Variants in LRP5 observed in about 807,000 individuals in gnomAD.
LRP5 encodes low-density lipoprotein receptor-related protein 5.
In LRP5, 62 loss-of-function variants were observed where a neutral mutation model predicts 154.1. That is an observed-to-expected ratio of 0.40 (90% CI 0.33 to 0.50). The LOEUF is 0.50. LRP5 is among the 20% of genes least tolerant of loss of function. LRP5 has a pLI of 0.55. For synonymous variants in LRP5, 966 were observed against 1,011.5 expected (o/e 0.96, Z 0.85); for missense variants, 1,915 against 2,336.7 (o/e 0.82, Z 3.72).
rs561296912 is a variant in LRP5, at chr11:68,428,554, G to A, written c.3638-1021G>A. Reference sequence around the variant, plus strand: ...CCTCAACCTCTGCCCATCTTCATGTGTCCATCTCCTTTGTGTCTGCGTCTT... The same window carrying A: ...CCTCAACCTCTGCCCATCTTCATGTATCCATCTCCTTTGTGTCTGCGTCTT... On this transcript the variant is annotated intron_variant, in intron 16 of 22. Transcript: ENST00000294304. Among the ~76,000 whole-genome samples, 29 of 151,914 alleles carry A rather than the reference G, an allele frequency of 1.9e-4. No individual in the cohort carries two copies. The East Asian group carries it at 2.2e-3, about 11-fold the overall frequency.
At chr11:68,374,952 C>G (rs942511195) in intron 5 of LRP5, among the ~76,000 whole-genome samples, 1 of 152,232 alleles carries the variant, frequency 6.6e-6, no homozygotes, top group African/African-American at 2.4e-5. Context: ...ACTGTGGTCA[C>G]TGGTTTTGTC....
rs930355318 is a variant in LRP5, at chr11:68,386,664, C to G, written c.1364C>G (p.Ser455Trp). The G allele has an allele frequency of 1.2e-6, 2 of 1,613,488 alleles. No homozygotes were observed. Among genetic ancestry groups the G allele is most frequent in the Non-Finnish European group, 8.5e-7 (1 of 1,179,942 alleles). ...LNGTSRKILV[S>W]EDLDEPRAIA... ...GGCACCTCCCGCAAGATCCTGGTGT[C>G]GGAGGACCTGGACGAGCCCCGAGCC... The change falls in exon 6 of 23, where the codon TCG becomes TGG. Residue 455 changes from serine (S) to tryptophan (W), a missense_variant. Ser to Trp is a radical substitution (Grantham distance 177, BLOSUM62 -3). This residue lies in a region of LRP5 where 773 missense variants were observed against 1,100.9 expected (regional missense o/e 0.70). Coordinates refer to ENST00000294304, the MANE Select transcript of LRP5 (RefSeq NM_002335.4). The surrounding 1 kb of genome is among the most constrained non-coding windows in gnomAD (Gnocchi z 7.9).
intron 8 of LRP5, among the ~76,000 whole-genome samples, chr11:68,405,676 T>C (rs184784361): frequency 2.6e-5 from 4 of 152,318 alleles, no homozygotes; most frequent in Non-Finnish European, 2.9e-5. Context: ...AAAAGGATTC[T>C]TTTTTTGGCT....
chr11:68,364,708 C>G (rs182532552), intron 4 of LRP5, among the ~76,000 whole-genome samples: 440 of 152,132 alleles, frequency 2.9e-3, no homozygotes, highest in Middle Eastern at 6.8e-3. Flanking sequence ...TCTGGCCAGG[C>G]CATTATGGAA....
At chr11:68,301,769 G>A in the LRP5 span, among the ~76,000 whole-genome samples, 9 of 147,382 alleles carry the variant, frequency 6.1e-5, no homozygotes, top group African/African-American at 2.2e-4. Flanking sequence ...GGGACTACAG[G>A]CGCCCGCCAC....
In LRP5 at chr11:68,353,207, G is replaced by A. The variant is rs1392530477; in HGVS notation, c.489-4443G>A. Among the ~76,000 whole-genome samples, 1 of 152,144 alleles carries A rather than the reference G, an allele frequency of 6.6e-6. No individual in the cohort carries two copies. Among genetic ancestry groups the A allele is most frequent in the African/African-American group, 2.4e-5 (1 of 41,440 alleles). ...AATTCTCTCCCAGAAGCCCTCCCCAGGATCACACCTGTGGCTGTTCACTCC... is the reference window on the plus strand; with the variant it reads ...AATTCTCTCCCAGAAGCCCTCCCCAAGATCACACCTGTGGCTGTTCACTCC... On this transcript the variant is annotated intron_variant, in intron 2 of 22. Transcript: ENST00000294304. The surrounding 1 kb of genome is among the most constrained non-coding windows in gnomAD (Gnocchi z 4.5).
At chr11:68,343,232 A>G (rs542558562) in intron 1 of LRP5, among the ~76,000 whole-genome samples, 1 of 152,304 alleles carries the variant, frequency 6.6e-6, no homozygotes, top group South Asian at 2.1e-4. Context: ...TTGTTGTCCA[A>G]GGAAGCTAAT....
At chr11:68,396,349 G>A (rs1233134520) in intron 7 of LRP5, among the ~76,000 whole-genome samples, 1 of 152,210 alleles carries the variant, frequency 6.6e-6, no homozygotes, top group Non-Finnish European at 1.5e-5. Context: ...CTTTGCTGGG[G>A]AGTGGTGGGA....
At chr11:68,441,329 C>T (rs535690649) in intron 21 of LRP5, among the ~76,000 whole-genome samples, 42 of 148,984 alleles carry the variant, frequency 2.8e-4, no homozygotes, top group South Asian at 1.3e-3. Flanking sequence ...CCTCCTGCCT[C>T]GGCCTCCCCA....
intron 16 of LRP5, among the ~76,000 whole-genome samples, chr11:68,427,975 T>TTTATTTA (rs1565105942): frequency 2.0e-3 from 87 of 43,428 alleles, no homozygotes; most frequent in Admixed American, 3.7e-3. Context: ...ATTTTATTTT[T>TTTATTTA]TTTATTTATT....
intron 1 of LRP5, among the ~76,000 whole-genome samples, chr11:68,325,091 C>T (rs571222199): frequency 5.3e-5 from 8 of 152,340 alleles, no homozygotes; most frequent in South Asian, 2.1e-4. Flanking sequence ...GATACCACCA[C>T]GCCCATCACC....
intron 1 of LRP5, among the ~76,000 whole-genome samples, chr11:68,332,636 A>G (rs981973866): frequency 6.6e-6 from 1 of 152,210 alleles, no homozygotes; most frequent in African/African-American, 2.4e-5. Flanking sequence ...AGGGGTGGGA[A>G]TGGCTGGAGG....
chr11:68,442,813 C>T (rs890904642), intron 21 of LRP5, among the ~76,000 whole-genome samples: 1 of 152,198 alleles, frequency 6.6e-6, no homozygotes, highest in African/African-American at 2.4e-5. Context: ...TGGCCTGGGT[C>T]GTTCGGTTGG....
rs893152046 is a variant in LRP5, at chr11:68,393,658, G to A, written c.1584+3606G>A. Among the ~76,000 whole-genome samples, 4 of 152,098 alleles carry A rather than the reference G, an allele frequency of 2.6e-5. No individual in the cohort carries two copies. In the East Asian group the frequency reaches 5.8e-4, roughly 22 times the overall value. On this transcript the variant is annotated intron_variant, in intron 7 of 22. Coordinates refer to ENST00000294304, the MANE Select transcript of LRP5 (RefSeq NM_002335.4). ...TAGCCGGGTGTGGCAGCGGGCGCCT[G>A]TAATCCCAGCTACTTGGGAGGCTGA...
chr11:68,439,172 C>T (rs147913063), intron 20 of LRP5, among the ~76,000 whole-genome samples: 89 of 152,338 alleles, frequency 5.8e-4, no homozygotes, highest in African/African-American at 2.0e-3. Context: ...CGCAGAGCTG[C>T]ACCATGCTGG....
In LRP5 at chr11:68,438,559, C is replaced by A. The variant is rs759834541; in HGVS notation, c.4225C>A (p.Arg1409Ser). The part of the protein sequence containing the change: ...VMGGVYFVCQ[R>S]VVCQRYAGAN... ...GGGTGGTGTCTATTTTGTGTGCCAG[C>A]GCGTGGTGTGCCAGCGCTATGCGGG... Residue 1409 changes from arginine to serine, a missense_variant, in exon 20 of 23, where the codon CGC becomes AGC. Arg to Ser is a moderately radical substitution (Grantham distance 110). This residue lies in a region of LRP5 where 1,094 missense variants were observed against 1,210.1 expected (regional missense o/e 0.90). Transcript: ENST00000294304. 6.2e-7 allele frequency: 1 copy of A among 1,614,160 alleles called. No homozygotes were observed.
rs771696099 is a variant in LRP5, at chr11:68,429,646, C to T, written c.3709C>T (p.Arg1237Trp). 12 of 1,614,168 alleles carry T rather than the reference C, an allele frequency of 7.4e-6. No homozygotes were observed. Among genetic ancestry groups the T allele is most frequent in the African/African-American group, 4.0e-5 (3 of 75,056 alleles). Residue 1237 changes from arginine (R) to tryptophan (W), a missense_variant, in exon 17 of 23, where the codon CGG becomes TGG. By Grantham distance (101) the Arg-to-Trp change is moderately radical (BLOSUM62 -3). Around this residue, in one of 3 missense-constraint regions of LRP5, gnomAD observed 1,094 missense variants for 1,210.1 expected, o/e 0.90. Transcript: ENST00000294304. ...ICIAKGDGTPRCSCPVHLVLL... is the reference protein window; with the variant it reads ...ICIAKGDGTPWCSCPVHLVLL... ...TATTGCCAAGGGTGATGGGACACCA[C>T]GGTGCTCATGCCCAGTCCACCTCGT...
intron 7 of LRP5, among the ~76,000 whole-genome samples, chr11:68,397,112 C>T (rs1402851982): frequency 2.0e-5 from 3 of 152,166 alleles, no homozygotes; most frequent in Non-Finnish European, 4.4e-5. Flanking sequence ...CAGCCACACT[C>T]AGCTTCTCCT....
chr11:68,426,288 C>A (rs1047643157), intron 16 of LRP5, 101 bp downstream of exon 16: 3 of 1,021,678 alleles, frequency 2.9e-6, no homozygotes, highest in African/African-American at 3.2e-5. Flanking sequence ...CTCAGCCAGG[C>A]GGTGGTCTCT....
Sources: gnomAD v4.1 joint callset for allele counts (sites outside exome capture counted in the v4.1 genomes callset) on GRCh38, gnomAD v4.1.1 for gene constraint, gnomAD v4.1.1 regional missense constraint, Gnocchi (gnomAD v3.1) non-coding constraint, MANE v1.5 for transcripts, NCBI Gene and HGNC (gene_info 2026-07-23, HGNC 2026-07-21) for gene names.